Variants in NCAPD3 observed in about 807,000 individuals in gnomAD.
NCAPD3 encodes non-SMC condensin II complex subunit D3.
Under a neutral mutation model 182.9 loss-of-function variants are expected in NCAPD3, and 105 were observed. The ratio of observed to expected loss-of-function variants is 0.57; its 90% CI spans 0.49 to 0.68. The LOEUF (loss-of-function observed/expected upper bound fraction) is 0.68, where lower values mean the gene tolerates loss of function less well. Ranked by LOEUF, NCAPD3 falls within the 30% of genes least tolerant of loss-of-function variation. The probability of loss-of-function intolerance (pLI) is 0.00; values close to 1 mark genes in which losing one functional copy is unlikely to be tolerated. For synonymous variants in NCAPD3, 815 were observed against 679.9 expected, an observed-to-expected ratio of 1.20 and a Z score of -3.09; for missense variants, 1,944 against 1,837.0, an observed-to-expected ratio of 1.06 and a Z score of -1.07.
chr11:134,163,462 G>T (rs951471344), intron 27 of NCAPD3, among the ~76,000 whole-genome samples: 1 of 152,098 alleles, frequency 6.6e-6, no homozygotes, highest in African/African-American at 2.4e-5. Flanking sequence ...CACTTTGGAA[G>T]GCCGAGGCGG....
chr11:134,176,480 C>A (rs1944169655), intron 23 of NCAPD3, 94 bp from the exon 24 acceptor site: 1 of 1,005,540 alleles, frequency 9.9e-7, no homozygotes, highest in Non-Finnish European at 1.6e-6. Flanking sequence ...CGGTCTGTCC[C>A]CGGCACACTG....
At chr11:134,165,834 C>A (rs529457523) in intron 27 of NCAPD3, among the ~76,000 whole-genome samples, 6 of 96,094 alleles carry the variant, frequency 6.2e-5, no homozygotes, top group Admixed American at 1.1e-4. Context: ...TTGGGGGAGG[C>A]GCACACTCGT....
intron 16 of NCAPD3, among the ~76,000 whole-genome samples, chr11:134,188,338 A>T (rs1944454742): frequency 6.6e-6 from 1 of 152,212 alleles, no homozygotes; most frequent in South Asian, 2.1e-4. Flanking sequence ...ACCAATCAGC[A>T]CTCTGTAAAA....
rs967965345 is a variant in NCAPD3, at chr11:134,152,881, G to A, written c.*63C>T. 1.5e-6 allele frequency: 2 copies of A among 1,306,758 alleles called. No homozygotes were observed. The highest frequency in any genetic ancestry group is 2.3e-5 in the East Asian group (1 of 42,902). The allele number at this position is 1,306,758 out of a possible 1,614,324, so 80.9% of individuals were successfully genotyped here. Reference sequence around the variant, plus strand: ...GGAAGTGATCCAGCTGCCTTCACACGGAGGACACGAGACTGCTTCCTCAAG... The same window carrying A: ...GGAAGTGATCCAGCTGCCTTCACACAGAGGACACGAGACTGCTTCCTCAAG... On this transcript the variant is annotated 3_prime_UTR_variant, in exon 35 of 35. Coordinates refer to ENST00000534548, the MANE Select transcript of NCAPD3 (RefSeq NM_015261.3).
In NCAPD3 at chr11:134,168,964, A is replaced by G; in HGVS notation, c.3192T>C (p.Asn1064=). 6.2e-6 allele frequency: 10 copies of G among 1,614,038 alleles called. No individual in the cohort carries two copies. In the South Asian group the frequency reaches 1.1e-4, roughly 18 times the overall value. ...QHFIECIFHF[N]NYEKHEKYNK... The stretch of plus-strand genomic sequence containing the variant: ...TGTACTTCTCATGCTTCTCATAGTT[A>G]TTAAAGTGAAAAATACATTCAATGA... The change falls in exon 25 of 35, where the codon AAT becomes AAC. Residue 1064 remains asparagine (N), a synonymous_variant. Coordinates refer to ENST00000534548, the MANE Select transcript of NCAPD3 (RefSeq NM_015261.3).
At chr11:134,172,178 T>C (rs1250046374) in intron 24 of NCAPD3, among the ~76,000 whole-genome samples, 1 of 152,172 alleles carries the variant, frequency 6.6e-6, no homozygotes, top group Non-Finnish European at 1.5e-5. Flanking sequence ...CATCTGCCTC[T>C]TGCGCTCTCT....
At position 134,151,179 on chromosome 11, in the gene NCAPD3, T is replaced by C. The variant is rs562210960; in HGVS notation, c.*1765A>G. On this transcript the variant is annotated 3_prime_UTR_variant, in exon 35 of 35. Transcript: ENST00000534548. ...AGCTTCCAGTGTCTTGGGTTTTTTA[T>C]ACTTTGACAGCTTTTTTTTAATTGC... 6.6e-6 allele frequency: 1 copy of C among 152,294 alleles called. No homozygotes were observed. The highest frequency in any genetic ancestry group is 1.5e-5 in the Non-Finnish European group (1 of 68,064). The allele number at this position is 152,294 out of a possible 1,614,324, so 9.4% of individuals were successfully genotyped here. A position where few individuals can be genotyped will look rare whatever the true frequency, so the allele number is the denominator to read the frequency against.
intron 27 of NCAPD3, among the ~76,000 whole-genome samples, chr11:134,163,382 T>C (rs541317881): frequency 1.7e-4 from 26 of 152,026 alleles, no homozygotes; most frequent in African/African-American, 6.3e-4. Context: ...TCAGATATAA[T>C]AAAATGATCA....
chr11:134,174,388 A>C (rs1287784619), intron 24 of NCAPD3, among the ~76,000 whole-genome samples: 4 of 149,632 alleles, frequency 2.7e-5, no homozygotes, highest in Admixed American at 6.6e-5. Context: ...GTCTCAAAAA[A>C]AAAAAAAAAA....
In NCAPD3 at chr11:134,161,800, T is replaced by G; in HGVS notation, c.3665A>C (p.Glu1222Ala). 1 of 1,576,792 alleles carries G rather than the reference T, an allele frequency of 6.3e-7. No homozygotes were observed. The change falls in exon 28 of 35, where the codon GAA becomes GCA. Residue 1222 changes from glutamate (E) to alanine (A), a missense_variant. Glu to Ala is a moderately radical substitution (Grantham distance 107, BLOSUM62 -1). Around this residue, in one of 3 missense-constraint regions of NCAPD3, gnomAD observed 1,803 missense variants for 1,674.6 expected, o/e 1.08. Transcript: ENST00000534548. ...CCTTACCCTGAGATAGTGCATGAGT[T>G]CCCGCAAAGCTGGGATCTTATTTTT... is the stretch of plus-strand genomic sequence containing the variant. ...LEKNKIPALR[E>A]LMHYLREVMQ...
intron 2 of NCAPD3, 44 bp downstream of exon 2, chr11:134,220,522 TCTTCTA>T (rs775512659): frequency 5.8e-6 from 9 of 1,548,508 alleles, no homozygotes; most frequent in Non-Finnish European, 8.0e-6. Flanking sequence ...ATGACTTTCA[TCTTCTA>T]CTTCTAACAC....
At chr11:134,157,876 T>G in intron 31 of NCAPD3, 52 bp downstream of exon 31, 2 of 1,546,446 alleles carry the variant, frequency 1.3e-6, no homozygotes, top group Non-Finnish European at 1.8e-6. Flanking sequence ...GCTTGTTCTG[T>G]GTTTTCATCT....
rs190956833 is a variant in NCAPD3 at position 134,207,611 on chromosome 11, C to T, written c.883-879G>A. On this transcript the variant is annotated intron_variant, in intron 7 of 34. Coordinates refer to ENST00000534548, the MANE Select transcript of NCAPD3 (RefSeq NM_015261.3). ...TACAAAAATTAGCTGGGCATGGTGG[C>T]GCGCACCTGTAGTCCCAGCCACTAG... Among the ~76,000 whole-genome samples the T allele has an allele frequency of 3.4e-4, 51 of 151,904 alleles. No homozygotes were observed. In the East Asian group the frequency reaches 4.7e-3, roughly 14 times the overall value.
chr11:134,168,453 C>G lies in NCAPD3; in HGVS notation c.3373+16G>C. On this transcript the variant is annotated intron_variant, in intron 26 of 34. Coordinates refer to ENST00000534548, the MANE Select transcript of NCAPD3 (RefSeq NM_015261.3). The stretch of plus-strand genomic sequence containing the variant: ...TTGCAAACACACACATTTTCTCCCA[C>G]ACACACTGGGCTTACCCAAAATACT... 1 of 1,613,790 alleles carries G rather than the reference C, an allele frequency of 6.2e-7. No individual in the cohort carries two copies. The highest frequency in any genetic ancestry group is 8.5e-7 in the Non-Finnish European group (1 of 1,179,688).
In NCAPD3 at chr11:134,176,774, C is replaced by T. The variant is rs542300628; in HGVS notation, c.3022-388G>A. Among the ~76,000 whole-genome samples, 6 of 152,316 alleles carry T rather than the reference C, an allele frequency of 3.9e-5. No individual in the cohort carries two copies. The South Asian group carries it at 1.0e-3, about 26-fold the overall frequency. ...TAAAAATATCTAACGCTCTGCAGAG[C>T]TCTATAGTTCACTAGGTTTTTCCGC... On this transcript the variant is annotated intron_variant, in intron 23 of 34. Transcript: ENST00000534548.
In NCAPD3 at chr11:134,184,840, CA is replaced by C. The variant is rs1944368648; in HGVS notation, c.2335+62del. On this transcript the variant is annotated intron_variant, in intron 18 of 34. Transcript: ENST00000534548. ...ACACACACACACACACACACACACA[CA>C]CACACACACCTGAAATGAACAGCAA... 17 of 1,410,306 alleles carry C rather than the reference CA, an allele frequency of 1.2e-5. No individual in the cohort carries two copies. The East Asian group carries it at 2.5e-4, about 21-fold the overall frequency. 87.4% of individuals were successfully genotyped at this position (1,410,306 alleles called of 1,614,324 possible).
Position 134,178,803 on chromosome 11 carries a change from AT to A in NCAPD3, c.2674+18del. The A allele has an allele frequency of 6.2e-7, 1 of 1,613,424 alleles. No homozygotes were observed. Among genetic ancestry groups the A allele is most frequent in the Non-Finnish European group, 8.5e-7 (1 of 1,179,354 alleles). On this transcript the variant is annotated intron_variant, in intron 21 of 34. Coordinates refer to ENST00000534548, the MANE Select transcript of NCAPD3 (RefSeq NM_015261.3). ...TGAAACGGCATGCGTGCTACAGAGT[AT>A]GATTTCAAATGCCTTACAGTGGTCA...
chr11:134,177,395 G>A lies in NCAPD3; in HGVS notation c.2845C>T (p.Leu949Phe). 1 of 1,614,246 alleles carries A rather than the reference G, an allele frequency of 6.2e-7. No individual in the cohort carries two copies. The highest frequency in any genetic ancestry group is 8.5e-7 in the Non-Finnish European group (1 of 1,180,056). The change falls in exon 23 of 35, where the codon CTC becomes TTC. Residue 949 changes from leucine (L) to phenylalanine (F), a missense_variant. Physicochemically the swap from Leu to Phe is conservative, Grantham distance 22. Coordinates refer to ENST00000534548, the MANE Select transcript of NCAPD3 (RefSeq NM_015261.3). ...KKSIPALVRE[L>F]EVCEDVAVRN... ...ACAGCCACGTCCTCACACACCTCGA[G>A]CTCTCGCACCAGGGCTGGGATGCTC...
Position 134,177,392 on chromosome 11 carries a change from C to G in NCAPD3, c.2848G>C (p.Glu950Gln), listed in dbSNP as rs1437018562. 1 of 1,614,126 alleles carries G rather than the reference C, an allele frequency of 6.2e-7. No individual in the cohort carries two copies. The highest frequency in any genetic ancestry group is 8.5e-7 in the Non-Finnish European group (1 of 1,180,056). Residue 950 changes from glutamate (E) to glutamine (Q), a missense_variant, in exon 23 of 35, where the codon GAG (glutamate) becomes CAG (glutamine). Glu to Gln is a conservative substitution (Grantham distance 29). Around this residue, in one of 3 missense-constraint regions of NCAPD3, gnomAD observed 1,803 missense variants for 1,674.6 expected, o/e 1.08. Transcript: ENST00000534548. Reference protein sequence around the residue: ...KSIPALVRELEVCEDVAVRNN... With the variant: ...KSIPALVRELQVCEDVAVRNN... ...CGGACAGCCACGTCCTCACACACCTCGAGCTCTCGCACCAGGGCTGGGATG... is the reference window on the plus strand; with the variant it reads ...CGGACAGCCACGTCCTCACACACCTGGAGCTCTCGCACCAGGGCTGGGATG...
Sources: allele counts gnomAD v4.1 joint callset (sites outside exome capture counted in the v4.1 genomes callset), GRCh38; gene constraint gnomAD v4.1.1; regional missense constraint gnomAD v4.1.1; transcripts MANE v1.5; gene names NCBI Gene and HGNC (gene_info 2026-07-23, HGNC 2026-07-21).